The following PNLIPRP3 variants were observed in gnomAD, a reference collection of about 807,000 sequenced individuals.
The protein encoded by PNLIPRP3 is pancreatic lipase related protein 3, also known as pancreatic lipase-related protein 3.
PNLIPRP3 carries 58 observed loss-of-function variants against 52.8 expected under a neutral mutation model. The ratio of observed to expected loss-of-function variants is 1.10; its 90% CI spans 0.89 to 1.37. The LOEUF (loss-of-function observed/expected upper bound fraction) is 1.37. PNLIPRP3 is among the 40% of genes most tolerant of loss of function. The pLI, the probability that PNLIPRP3 is intolerant of heterozygous loss-of-function variation, is 0.00. For synonymous variants in PNLIPRP3, 192 were observed against 185.0 expected (o/e 1.04, Z -0.31); for missense variants, 593 against 561.6 (o/e 1.06, Z -0.57).
chr10:116,451,760 C>A (rs1187802705), intron 4 of PNLIPRP3, among the ~76,000 whole-genome samples: 4 of 152,108 alleles, frequency 2.6e-5, no homozygotes, highest in Admixed American at 2.0e-4. Context: ...GCCTACAGAA[C>A]CATGAGCCAA....
chr10:116,460,753 G>T (rs1452823451), intron 5 of PNLIPRP3, among the ~76,000 whole-genome samples: 1 of 151,700 alleles, frequency 6.6e-6, no homozygotes, highest in African/African-American at 2.4e-5. Context: ...TAGCTGTTTT[G>T]GCATTGTCTC....
At chr10:116,453,170 A>G (rs960327132) in intron 4 of PNLIPRP3, among the ~76,000 whole-genome samples, 1 of 152,122 alleles carries the variant, frequency 6.6e-6, no homozygotes, top group African/African-American at 2.4e-5. Context: ...TTAAGATTTA[A>G]TGCCTGCCCT....
rs112080533 is a variant in PNLIPRP3, at chr10:116,442,648, G to A, written c.205-407G>A. Among the ~76,000 whole-genome samples the A allele has an allele frequency of 2.6e-3, 402 of 152,208 alleles. 3 individuals are homozygous for A. Among genetic ancestry groups the A allele is most frequent in the African/African-American group, 9.3e-3 (386 of 41,516 alleles). On this transcript the variant is annotated intron_variant, in intron 2 of 11. Coordinates refer to ENST00000369230, the MANE Select transcript of PNLIPRP3 (RefSeq NM_001011709.3). ...GGAGGCTGAGGTAGGAAGATCACTT[G>A]AGGCCAGGAGTTCAAGATCACCCTA... is the stretch of plus-strand genomic sequence containing the variant.
chr10:116,437,092 A>G (rs954473144), intron 2 of PNLIPRP3, among the ~76,000 whole-genome samples: 1 of 152,210 alleles, frequency 6.6e-6, no homozygotes, highest in Non-Finnish European at 1.5e-5. Context: ...GTTATTTCAT[A>G]ACAGGTAAAC....
intron 2 of PNLIPRP3, chr10:116,439,967 G>A: frequency 2.4e-6 from 2 of 838,476 alleles, no homozygotes; most frequent in Non-Finnish European, 4.2e-6. Context: ...TTCTTCTTAT[G>A]TTCTTCTCTG....
intron 5 of PNLIPRP3, among the ~76,000 whole-genome samples, chr10:116,459,569 C>A (rs1268183355): frequency 6.6e-6 from 1 of 152,164 alleles, no homozygotes; most frequent in Non-Finnish European, 1.5e-5. Context: ...TGACATCTGG[C>A]TCCTGCTAGC....
At chr10:116,459,834 C>A (rs2133142692) in intron 5 of PNLIPRP3, among the ~76,000 whole-genome samples, 1 of 152,318 alleles carries the variant, frequency 6.6e-6, no homozygotes, top group South Asian at 2.1e-4. Context: ...GTCGCACAAT[C>A]TTGGCTCACT....
At position 116,466,102 on chromosome 10, in the gene PNLIPRP3, T is replaced by C; in HGVS notation, c.861T>C (p.Ala287=). 1.9e-6 allele frequency: 3 copies of C among 1,613,928 alleles called. No homozygotes were observed. The highest frequency in any genetic ancestry group is 2.2e-5 in the South Asian group (2 of 91,082). Residue 287 remains alanine, a synonymous_variant, in exon 8 of 12, where the codon GCT becomes GCC. Coordinates refer to ENST00000369230, the MANE Select transcript of PNLIPRP3 (RefSeq NM_001011709.3). ...CNHARSYQFY[A]ESILNPDAFI... ...ATGCCCGAAGTTATCAATTTTATGC[T>C]GAAAGCATTCTTAATCCTGATGCAT...
chr10:116,455,715 C>A lies in PNLIPRP3; in HGVS notation c.457-7C>A. Reference sequence around the variant, plus strand: ...AAAATACTTATTCTGTTAAACAATTCTTTCAGAAAAAATTTGAATATTCCC... The same window carrying A: ...AAAATACTTATTCTGTTAAACAATTATTTCAGAAAAAATTTGAATATTCCC... On this transcript the variant is annotated splice_region_variant and splice_polypyrimidine_tract_variant and intron_variant, in intron 4 of 11. Transcript: ENST00000369230. 4 of 1,600,550 alleles carry A rather than the reference C, an allele frequency of 2.5e-6. No individual in the cohort carries two copies. The highest frequency in any genetic ancestry group is 3.4e-5 in the Admixed American group (2 of 59,664).
At chr10:116,439,745 GGAAGAATC>G in intron 2 of PNLIPRP3, 1 of 769,986 alleles carries the variant, frequency 1.3e-6, no homozygotes, top group Middle Eastern at 3.5e-4. Flanking sequence ...GAACAGAACA[GGAAGAATC>G]CAGACGGTGG....
intron 8 of PNLIPRP3, among the ~76,000 whole-genome samples, chr10:116,466,662 A>G (rs992659831): frequency 2.0e-5 from 3 of 152,220 alleles, no homozygotes; most frequent in Non-Finnish European, 2.9e-5. Context: ...TACACAGATC[A>G]ATATGTGACA....
intron 2 of PNLIPRP3, among the ~76,000 whole-genome samples, chr10:116,441,968 A>G (rs1371409262): frequency 6.6e-6 from 1 of 152,182 alleles, no homozygotes; most frequent in Non-Finnish European, 1.5e-5. Flanking sequence ...ACAGTCTTGG[A>G]GACACTTTAC....
rs143723727 is a variant in PNLIPRP3 at position 116,451,069 on chromosome 10, C to T, written c.457-4653C>T. Among the ~76,000 whole-genome samples, 827 of 152,224 alleles carry T rather than the reference C, an allele frequency of 5.4e-3. 6 individuals are homozygous for T. Among genetic ancestry groups the T allele is most frequent in the African/African-American group, 0.019 (769 of 41,520 alleles). On this transcript the variant is annotated intron_variant, in intron 4 of 11. Coordinates refer to ENST00000369230, the MANE Select transcript of PNLIPRP3 (RefSeq NM_001011709.3). ...TATTATGAAAGTACAGCAATTAAAGCAGTGTGGCACTGGCATAAAGACAGA... is the reference window on the plus strand; with the variant it reads ...TATTATGAAAGTACAGCAATTAAAGTAGTGTGGCACTGGCATAAAGACAGA...
At chr10:116,431,535 C>A (rs954655302) in intron 1 of PNLIPRP3, among the ~76,000 whole-genome samples, 3 of 152,012 alleles carry the variant, frequency 2.0e-5, no homozygotes, top group Non-Finnish European at 4.4e-5. Context: ...GGACAGAACC[C>A]CATATTTAAT....
chr10:116,427,913 G>C lies in PNLIPRP3; in HGVS notation c.-100G>C. 1.2e-6 allele frequency: 1 copy of C among 840,234 alleles called. No individual in the cohort carries two copies. Among genetic ancestry groups the C allele is most frequent in the Non-Finnish European group, 2.0e-6 (1 of 490,614 alleles). The allele number at this position is 840,234 out of a possible 1,614,324, so 52.0% of individuals were successfully genotyped here. A position where few individuals can be genotyped will look rare whatever the true frequency, so the allele number is the denominator to read the frequency against. ...AAACGTAGAGTTTAAACATTGAGTT[G>C]CATCATTGTGAGGAAAACCACTTAG... On this transcript the variant is annotated 5_prime_UTR_variant, in exon 1 of 12. Transcript: ENST00000369230.
At chr10:116,450,663 C>A (rs1286031107) in intron 4 of PNLIPRP3, among the ~76,000 whole-genome samples, 1 of 151,904 alleles carries the variant, frequency 6.6e-6, no homozygotes, top group Non-Finnish European at 1.5e-5. Flanking sequence ...GAACATGAGA[C>A]TAGTATAAAT....
chr10:116,445,491 A>G (rs1294742895), intron 4 of PNLIPRP3, among the ~76,000 whole-genome samples: 1 of 152,014 alleles, frequency 6.6e-6, no homozygotes, highest in Non-Finnish European at 1.5e-5. Flanking sequence ...AGGGAAGACT[A>G]AGGTACAAGA....
chr10:116,473,946 A>G (rs1846416410), intron 10 of PNLIPRP3, among the ~76,000 whole-genome samples: 1 of 59,882 alleles, frequency 1.7e-5, no homozygotes, highest in Non-Finnish European at 3.7e-5. Context: ...TTCATATGGA[A>G]CCAAAAAAAA....
Position 116,476,740 on chromosome 10 carries a change from A to G in PNLIPRP3, c.1261A>G (p.Lys421Glu). ...CATTACAAGTGTTCAGTTCATCTGG[A>G]AAAAACATTTGTTTGAAGATTCTCA... The part of the protein sequence containing the change: ...GNITSVQFIW[K>E]KHLFEDSQNK... Residue 421 changes from lysine (K) to glutamate (E), a missense_variant, in exon 11 of 12, where the codon AAA (lysine) becomes GAA (glutamate). By Grantham distance (56) the Lys-to-Glu change is moderately conservative. Transcript: ENST00000369230. The G allele has an allele frequency of 6.2e-7, 1 of 1,610,768 alleles. No homozygotes were observed. The highest frequency in any genetic ancestry group is 1.7e-4 in the Middle Eastern group (1 of 6,052).
Sources: gnomAD v4.1 joint callset for allele counts (sites outside exome capture counted in the v4.1 genomes callset) on GRCh38, gnomAD v4.1.1 for gene constraint, MANE v1.5 for transcripts, NCBI Gene and HGNC (gene_info 2026-07-23, HGNC 2026-07-21) for gene names.